COL13A1: variants seen among roughly 807,000 people sequenced by gnomAD.
The protein encoded by COL13A1 is collagen type XIII alpha 1 chain.
Under a neutral mutation model 130.9 loss-of-function variants are expected in COL13A1, and 89 were observed. That is an observed-to-expected ratio of 0.68 (90% CI 0.57 to 0.81). COL13A1 has a LOEUF of 0.81. COL13A1 is among the 30% of genes least tolerant of loss of function. The pLI is 0.00. For missense variants in COL13A1, 879 were observed against 934.6 expected, an observed-to-expected ratio of 0.94 and a Z score of 0.78; for synonymous variants, 402 against 341.6, an observed-to-expected ratio of 1.18 and a Z score of -1.95.
intron 13 of COL13A1, among the ~76,000 whole-genome samples, chr10:69,897,124 C>T (rs931364208): frequency 1.3e-5 from 2 of 152,144 alleles, no homozygotes; most frequent in South Asian, 2.1e-4. Flanking sequence ...CCACAGGGTG[C>T]AGTGAAGCCT....
intron 1 of COL13A1, among the ~76,000 whole-genome samples, chr10:69,821,762 A>T (rs774486133): frequency 5.9e-5 from 9 of 152,126 alleles, no homozygotes; most frequent in Non-Finnish European, 1.2e-4. Context: ...GCTCTTCTCC[A>T]CTTGCCACCA....
chr10:69,808,754 G>A (rs368916660), intron 1 of COL13A1, among the ~76,000 whole-genome samples: 5 of 152,218 alleles, frequency 3.3e-5, no homozygotes, highest in East Asian at 1.9e-4. Context: ...CACATAATAC[G>A]CAGCTCTCAC....
rs566173846 is a variant in COL13A1, at chr10:69,844,592, C to T, written c.364+22154C>T. Among the ~76,000 whole-genome samples the T allele has an allele frequency of 2.6e-5, 4 of 152,324 alleles. No individual in the cohort carries two copies. In the South Asian group the frequency reaches 8.3e-4, roughly 32 times the overall value. ...AGTTAATACAGTGGCATGTTTAGAA[C>T]AGTAGCAAGCACAAAGTGACCCTAG... is the stretch of plus-strand genomic sequence containing the variant. On this transcript the variant is annotated intron_variant, in intron 2 of 40. Coordinates refer to ENST00000645393, the MANE Select transcript of COL13A1 (RefSeq NM_001368882.1).
intron 6 of COL13A1, among the ~76,000 whole-genome samples, chr10:69,879,224 G>A (rs2059903574): frequency 6.6e-6 from 1 of 152,182 alleles, no homozygotes. Context: ...TAGCTACCAT[G>A]CTATTCTGTC....
At chr10:69,833,806 C>T (rs1208620685) in intron 2 of COL13A1, among the ~76,000 whole-genome samples, 1 of 152,110 alleles carries the variant, frequency 6.6e-6, no homozygotes, top group Non-Finnish European at 1.5e-5. Flanking sequence ...TGATCTGGAG[C>T]GGTTGTAGTA....
rs111975487 is a variant in COL13A1 at position 69,944,661 on chromosome 10, T to TAA, written c.1968+493_1968+494dup. ...GAGACAGAGCAAGACCTTATCTCTA[T>TAA]AAAAAAAAAAATGAAAAAGAAAAAG... On this transcript the variant is annotated intron_variant, in intron 36 of 40. Transcript: ENST00000645393. Among the ~76,000 whole-genome samples, 597 of 82,290 alleles carry TAA rather than the reference T, an allele frequency of 7.3e-3. 6 individuals are homozygous for TAA. The highest frequency in any genetic ancestry group is 0.021 in the African/African-American group (539 of 25,986). The allele number at this position is 82,290 out of a possible 152,430, so 54.0% of individuals were successfully genotyped here.
intron 35 of COL13A1, among the ~76,000 whole-genome samples, chr10:69,941,703 C>T (rs998536234): frequency 2.6e-5 from 4 of 152,186 alleles, no homozygotes; most frequent in East Asian, 1.9e-4. Flanking sequence ...TTCCAGAAAA[C>T]AGGCATCATT....
chr10:69,892,508 T>G lies in COL13A1; in HGVS notation c.604-2044T>G, dbSNP rs189211639. The stretch of plus-strand genomic sequence containing the variant: ...AGACTCAGGAATGACATAAGGGCTG[T>G]AAAGCAAGGCCTGGACTGAGTCCAA... On this transcript the variant is annotated intron_variant, in intron 10 of 40. Coordinates refer to ENST00000645393, the MANE Select transcript of COL13A1 (RefSeq NM_001368882.1). Among the ~76,000 whole-genome samples, 24 of 152,288 alleles carry G rather than the reference T, an allele frequency of 1.6e-4. 1 individual carries two copies. The highest frequency in any genetic ancestry group is 5.2e-4 in the Admixed American group (8 of 15,302).
chr10:69,946,782 T>C (rs1323015091), intron 37 of COL13A1, among the ~76,000 whole-genome samples: 1 of 151,030 alleles, frequency 6.6e-6, no homozygotes, highest in Non-Finnish European at 1.5e-5. Context: ...AGAACTGTGT[T>C]TTTTTGTTTT....
At chr10:69,898,794 T>G (rs1589384554) in intron 14 of COL13A1, 32 bp downstream of exon 14, 13 of 1,582,990 alleles carry the variant, frequency 8.2e-6, no homozygotes, top group Non-Finnish European at 1.1e-5. Context: ...AGACCATGTG[T>G]GGTTTCCCAA....
chr10:69,869,458 G>A (rs983447609), intron 3 of COL13A1, among the ~76,000 whole-genome samples: 2 of 152,210 alleles, frequency 1.3e-5, no homozygotes, highest in African/African-American at 4.8e-5. Context: ...GCCAGAGAGA[G>A]GGGCTCTGAG....
intron 19 of COL13A1, 22 bp downstream of exon 19, chr10:69,918,339 A>G (rs961258293): frequency 1.2e-6 from 2 of 1,612,110 alleles, no homozygotes; most frequent in Non-Finnish European, 1.7e-6. Flanking sequence ...GTTGTAACCA[A>G]CACATCAGGG....
chr10:69,917,204 G>A, intron 17 of COL13A1, 85 bp from the exon 18 acceptor site: 1 of 1,558,120 alleles, frequency 6.4e-7, no homozygotes, highest in Non-Finnish European at 8.8e-7. Flanking sequence ...CCAGCCTCCA[G>A]ACAAGACATT....
chr10:69,826,845 C>T (rs1050963170), intron 2 of COL13A1, among the ~76,000 whole-genome samples: 6 of 152,120 alleles, frequency 3.9e-5, no homozygotes, highest in East Asian at 3.9e-4. Context: ...GCAGATGCTT[C>T]GGTTCTTGCC....
At chr10:69,816,877 G>A (rs1844683334) in intron 1 of COL13A1, among the ~76,000 whole-genome samples, 1 of 152,234 alleles carries the variant, frequency 6.6e-6, no homozygotes, top group Non-Finnish European at 1.5e-5. Flanking sequence ...AGAGACGTAG[G>A]AGGCAGCGAA....
chr10:69,823,312 T>G (rs1846600382), intron 2 of COL13A1, among the ~76,000 whole-genome samples: 1 of 152,216 alleles, frequency 6.6e-6, no homozygotes, highest in Non-Finnish European at 1.5e-5. Context: ...GAGTGACAGA[T>G]GAGGAAGTTT....
rs758123702 is a variant in COL13A1 at position 69,802,542 on chromosome 10, C to T, written c.119C>T (p.Pro40Leu). ...CGGGCGGAGCGCGGCGCACGGCTGCCGAGTCCAGGGTCGTGCGGGCTGCTG... is the reference window on the plus strand; with the variant it reads ...CGGGCGGAGCGCGGCGCACGGCTGCTGAGTCCAGGGTCGTGCGGGCTGCTG... ...AARAERGARL[P>L]SPGSCGLLTL... Residue 40 changes from proline to leucine, a missense_variant, in exon 1 of 41, where the codon CCG becomes CTG. Coordinates refer to ENST00000645393, the MANE Select transcript of COL13A1 (RefSeq NM_001368882.1). 3 of 1,597,326 alleles carry T rather than the reference C, an allele frequency of 1.9e-6. No individual in the cohort carries two copies. Among genetic ancestry groups the T allele is most frequent in the Admixed American group, 1.7e-5 (1 of 58,518 alleles).
chr10:69,817,161 A>G (rs1256081576), intron 1 of COL13A1, among the ~76,000 whole-genome samples: 1 of 152,096 alleles, frequency 6.6e-6, no homozygotes, highest in East Asian at 1.9e-4. Flanking sequence ...TGTGTCTCAC[A>G]CAGCCTCAAA....
Position 69,887,440 on chromosome 10 carries a change from G to GTT in COL13A1, c.514-5_514-4dup, listed in dbSNP as rs35268667. On this transcript the variant is annotated splice_polypyrimidine_tract_variant and intron_variant, in intron 7 of 40. Coordinates refer to ENST00000645393, the MANE Select transcript of COL13A1 (RefSeq NM_001368882.1). ...CCTTGCTCAATCTCATGTGTCTCTT[G>GTT]TTTTTTTTTTTTCAGGGTCAACCAG... 2.1e-3 allele frequency: 2,994 copies of GTT among 1,458,894 alleles called. No homozygotes were observed. Among genetic ancestry groups the GTT allele is most frequent in the Middle Eastern group, 3.6e-3 (20 of 5,608 alleles). 90.4% of individuals were successfully genotyped at this position (1,458,894 alleles called of 1,614,324 possible). A position where few individuals can be genotyped will look rare whatever the true frequency, so the allele number is the denominator to read the frequency against.
Sources: gnomAD v4.1 joint callset for allele counts (sites outside exome capture counted in the v4.1 genomes callset) on GRCh38, gnomAD v4.1.1 for gene constraint, MANE v1.5 for transcripts, NCBI Gene and HGNC (gene_info 2026-07-23, HGNC 2026-07-21) for gene names.